The following GPATCH2L variants were observed in gnomAD, a reference collection of about 807,000 sequenced individuals.
GPATCH2L encodes G-patch domain containing 2 like, also known as G patch domain-containing protein 2-like.
In GPATCH2L, 31 loss-of-function variants were observed where a neutral mutation model predicts 57.4. The observed-to-expected ratio is 0.54, with a 90% confidence interval of 0.41 to 0.73. GPATCH2L has a LOEUF of 0.73. Among genes scored for constraint, GPATCH2L ranks in the 30% least tolerant of loss-of-function variants. The pLI is 0.00. For synonymous variants in GPATCH2L, 199 were observed against 210.7 expected (o/e 0.94, Z 0.48); for missense variants, 481 against 599.9 (o/e 0.80, Z 2.07).
chr14:76,183,321 A>G (rs575965139), intron 8 of GPATCH2L, among the ~76,000 whole-genome samples: 1 of 152,392 alleles, frequency 6.6e-6, no homozygotes, highest in East Asian at 1.9e-4. Flanking sequence ...GCTGAAAGCA[A>G]AGGAAAGAGA....
intron 2 of GPATCH2L, among the ~76,000 whole-genome samples, chr14:76,162,812 A>G (rs1015568511): frequency 1.3e-5 from 2 of 152,232 alleles, no homozygotes; most frequent in Non-Finnish European, 2.9e-5. Context: ...AAGATACAGC[A>G]TTAAGGAGGA....
chr14:76,196,705 C>T (rs2040165808), intron 9 of GPATCH2L: 1 of 152,102 alleles, frequency 6.6e-6, no homozygotes, highest in African/African-American at 2.4e-5. Context: ...ATTAATATTT[C>T]AGTGAGAAAA....
At chr14:76,222,063 G>T (rs968029548) in intron 1 of GPATCH2L, among the ~76,000 whole-genome samples, 9 of 152,058 alleles carry the variant, frequency 5.9e-5, no homozygotes. Context: ...GCATGTGTGG[G>T]GGAAGAAGGT....
chr14:76,233,187 G>A lies in GPATCH2L; in HGVS notation c.*117+3234G>A, dbSNP rs1284111966. 2.0e-5 allele frequency among the ~76,000 whole-genome samples: 3 copies of A among 152,166 alleles called. No homozygotes were observed. In the East Asian group the frequency reaches 5.8e-4, roughly 29 times the overall value. On this transcript the variant is annotated intron_variant and NMD_transcript_variant, in intron 2 of 3. Transcript: ENST00000556372. ...AATTATTGGGAGTGGAATTATTGGA[G>A]CGAAGGATATAAATATTTTAAAGAT...
At chr14:76,173,768 T>G in intron 5 of GPATCH2L, 143 bp downstream of exon 5, 2 of 624,986 alleles carry the variant, frequency 3.2e-6, no homozygotes, top group Non-Finnish European at 6.0e-6. Context: ...TTTACAAGAG[T>G]GAACATTATG....
Position 76,212,163 on chromosome 14 carries a change from ACAAC to A in GPATCH2L, c.*10316_*10319del, listed in dbSNP as rs1216889804. 1.3e-5 allele frequency: 2 copies of A among 152,218 alleles called. No individual in the cohort carries two copies. Among genetic ancestry groups the A allele is most frequent in the Non-Finnish European group, 2.9e-5 (2 of 68,034 alleles). 9.4% of individuals were successfully genotyped at this position (152,218 alleles called of 1,614,324 possible). On this transcript the variant is annotated 3_prime_UTR_variant, in exon 10 of 10. Transcript: ENST00000261530. ...TAATTATGAGAAAAAACATGTATGC[ACAAC>A]CAAACAAATCACAAAAATGAAAGAT...
chr14:76,154,336 T>C lies in GPATCH2L; in HGVS notation c.-10-18T>C. The stretch of plus-strand genomic sequence containing the variant: ...TTCTTTTCTTTCTTTCTTTTTTTCC[T>C]AAACTTCCTTTTGGCAGATGTGGCC... On this transcript the variant is annotated intron_variant, in intron 1 of 9. Transcript: ENST00000261530. The surrounding 1 kb of genome is among the most constrained non-coding windows in gnomAD (Gnocchi z 4.4). The C allele has an allele frequency of 6.5e-7, 1 of 1,534,390 alleles. No individual in the cohort carries two copies. Among genetic ancestry groups the C allele is most frequent in the Non-Finnish European group, 8.8e-7 (1 of 1,138,438 alleles).
chr14:76,171,920 T>G lies in GPATCH2L; in HGVS notation c.805T>G (p.Trp269Gly), dbSNP rs1465873125. The G allele has an allele frequency of 1.2e-6, 2 of 1,608,534 alleles. No homozygotes were observed. The highest frequency in any genetic ancestry group is 1.7e-6 in the Non-Finnish European group (2 of 1,175,166). Residue 269 changes from tryptophan (W) to glycine (G), a missense_variant, in exon 4 of 10, where the codon TGG (tryptophan) becomes GGG (glycine). Trp to Gly is a radical substitution (Grantham distance 184). Transcript: ENST00000261530. ...GFTVPNLLPK[W>G]APDHCSEVER... ...CACTGTCCCTAATCTTCTGCCCAAG[T>G]GGGCTCCTGATCATTGTTCTGAAGT...
intron 8 of GPATCH2L, among the ~76,000 whole-genome samples, chr14:76,183,674 A>G (rs550452273): frequency 6.6e-6 from 1 of 152,286 alleles, no homozygotes; most frequent in Admixed American, 6.5e-5. Context: ...AGAAAATGTG[A>G]ATGATGACAT....
At chr14:76,170,594 G>A (rs60825387) in intron 3 of GPATCH2L, 6 of 151,470 alleles carry the variant, frequency 4.0e-5, no homozygotes, top group East Asian at 1.9e-4. Flanking sequence ...TTTTTTTTCC[G>A]CAGTAGCTTG....
In GPATCH2L at chr14:76,213,268, G is replaced by A. The variant is rs533385132; in HGVS notation, c.*11417G>A. Reference sequence around the variant, plus strand: ...GTCATAAAATATTCTTTGCTCAACTGTATGCAAACAATTTAAAAACTTGGA... The same window carrying A: ...GTCATAAAATATTCTTTGCTCAACTATATGCAAACAATTTAAAAACTTGGA... On this transcript the variant is annotated 3_prime_UTR_variant, in exon 10 of 10. Coordinates refer to ENST00000261530, the MANE Select transcript of GPATCH2L (RefSeq NM_017926.4). The A allele has an allele frequency of 6.8e-4, 103 of 152,174 alleles. No individual in the cohort carries two copies. Among genetic ancestry groups the A allele is most frequent in the African/African-American group, 2.3e-3 (95 of 41,524 alleles). 9.4% of individuals were successfully genotyped at this position (152,174 alleles called of 1,614,324 possible). A position where few individuals can be genotyped will look rare whatever the true frequency, so the allele number is the denominator to read the frequency against.
At chr14:76,161,272 A>G (rs1594912522) in intron 2 of GPATCH2L, among the ~76,000 whole-genome samples, 1 of 152,292 alleles carries the variant, frequency 6.6e-6, no homozygotes, top group African/African-American at 2.4e-5. Flanking sequence ...TGTTAAGTGC[A>G]TTATTATTTA....
At chr14:76,160,787 C>T (rs565552740) in intron 2 of GPATCH2L, among the ~76,000 whole-genome samples, 4 of 152,182 alleles carry the variant, frequency 2.6e-5, no homozygotes, top group East Asian at 3.9e-4. Flanking sequence ...TGTGAGAAGA[C>T]GTTCCATCTA....
At chr14:76,199,414 T>C (rs2040249692) in intron 9 of GPATCH2L, among the ~76,000 whole-genome samples, 1 of 152,226 alleles carries the variant, frequency 6.6e-6, no homozygotes, top group Admixed American at 6.5e-5. Flanking sequence ...CACCGGGTTC[T>C]GTTTTTGAGA....
intron 8 of GPATCH2L, among the ~76,000 whole-genome samples, chr14:76,191,875 G>T (rs892775653): frequency 5.9e-5 from 9 of 152,046 alleles, no homozygotes; most frequent in African/African-American, 1.9e-4. Context: ...TAGAATGCTA[G>T]AATTTATTCC....
At position 76,181,657 on chromosome 14, in the gene GPATCH2L, A is replaced by G. The variant is rs778344764; in HGVS notation, c.1193+808A>G. ...TCTGGGACTTGTTAGGCATTAACAT[A>G]TATTAGTCAAACGAGTGACTCCTTA... On this transcript the variant is annotated intron_variant, in intron 8 of 9. Transcript: ENST00000261530. Among the ~76,000 whole-genome samples, 70 of 152,300 alleles carry G rather than the reference A, an allele frequency of 4.6e-4. 1 individual carries two copies. The highest frequency in any genetic ancestry group is 3.4e-3 in the Middle Eastern group (1 of 294).
In GPATCH2L at chr14:76,197,260, C is replaced by T. The variant is rs1053857880; in HGVS notation, c.1288+1288C>T. On this transcript the variant is annotated intron_variant, in intron 9 of 9. Transcript: ENST00000261530. Reference sequence around the variant, plus strand: ...GTGCATCAAAACTCAGATCCTCATTCAGTCTATGGTATTGGAAGCATTAAA... The same window carrying T: ...GTGCATCAAAACTCAGATCCTCATTTAGTCTATGGTATTGGAAGCATTAAA... Among the ~76,000 whole-genome samples the T allele has an allele frequency of 6.0e-4, 91 of 152,164 alleles. 1 individual carries two copies. Among genetic ancestry groups the T allele is most frequent in the African/African-American group, 2.1e-3 (85 of 41,442 alleles).
rs1350274771 is a variant in GPATCH2L, at chr14:76,207,940, A to G, written c.*6089A>G. ...TTTCAGGGAATATGCATAGCTAAAG[A>G]GTTCATTGTGTTTGCAAAGGTGTAC... On this transcript the variant is annotated 3_prime_UTR_variant, in exon 10 of 10. Transcript: ENST00000261530. 3 of 152,168 alleles carry G rather than the reference A, an allele frequency of 2.0e-5. No individual in the cohort carries two copies. Among genetic ancestry groups the G allele is most frequent in the African/African-American group, 7.2e-5 (3 of 41,420 alleles). The allele number at this position is 152,168 out of a possible 1,614,324, so 9.4% of individuals were successfully genotyped here.
At chr14:76,189,326 C>G (rs1372859222) in intron 8 of GPATCH2L, among the ~76,000 whole-genome samples, 1 of 151,976 alleles carries the variant, frequency 6.6e-6, no homozygotes, top group East Asian at 1.9e-4. Context: ...TTGATTCTTT[C>G]AATCCATGAA....
Sources: gnomAD v4.1 joint callset for allele counts (sites outside exome capture counted in the v4.1 genomes callset) on GRCh38, gnomAD v4.1.1 for gene constraint, Gnocchi (gnomAD v3.1) non-coding constraint, MANE v1.5 for transcripts, NCBI Gene and HGNC (gene_info 2026-07-23, HGNC 2026-07-21) for gene names.